ARL6IP6: variants seen among roughly 807,000 people sequenced by gnomAD.
The protein encoded by ARL6IP6 is ADP-ribosylation factor-like protein 6-interacting protein 6.
In ARL6IP6, 22 loss-of-function variants were observed where a neutral mutation model predicts 21.5. The observed-to-expected ratio is 1.02, with a 90% CI of 0.73 to 1.46. ARL6IP6 has a LOEUF of 1.46. ARL6IP6 is among the 40% of genes most tolerant of loss of function. ARL6IP6 has a pLI of 0.00. For missense variants in ARL6IP6, 388 were observed against 299.8 expected (o/e 1.29, Z -2.17); for synonymous variants, 164 against 125.3 (o/e 1.31, Z -2.06).
chr2:152,734,559 A>G (rs1389309110), intron 2 of ARL6IP6, among the ~76,000 whole-genome samples: 2 of 152,104 alleles, frequency 1.3e-5, no homozygotes, highest in African/African-American at 2.4e-5. Flanking sequence ...GGTGCAATCT[A>G]GGCACACTGC....
intron 2 of ARL6IP6, among the ~76,000 whole-genome samples, chr2:152,730,431 C>T (rs999906610): frequency 2.6e-5 from 4 of 152,122 alleles, no homozygotes; most frequent in Non-Finnish European, 4.4e-5. Context: ...GTAAACTTGT[C>T]AATTATTTTC....
chr2:152,749,193 CATT>C (rs1369031520), intron 3 of ARL6IP6, among the ~76,000 whole-genome samples: 1 of 151,798 alleles, frequency 6.6e-6, no homozygotes, highest in East Asian at 1.9e-4. Flanking sequence ...TATTGCTAGA[CATT>C]ATATTTTCAC....
chr2:152,747,981 A>C (rs979399303), intron 3 of ARL6IP6, among the ~76,000 whole-genome samples: 18 of 152,160 alleles, frequency 1.2e-4, no homozygotes, highest in Non-Finnish European at 2.4e-4. Context: ...GATTACTGGC[A>C]TGAGTCACCG....
chr2:152,718,055 C>A, upstream of ARL6IP6: 3 of 993,768 alleles, frequency 3.0e-6, no homozygotes, highest in Non-Finnish European at 3.6e-6. Flanking sequence ...AGTTGTAGTA[C>A]GGGTGGGGAG....
At chr2:152,727,452 A>AGT (rs970910717) in intron 2 of ARL6IP6, among the ~76,000 whole-genome samples, 9 of 152,184 alleles carry the variant, frequency 5.9e-5, no homozygotes, top group African/African-American at 1.9e-4. Flanking sequence ...GCGTAACCTA[A>AGT]GTGTACAGTG....
chr2:152,732,264 T>C (rs886114724), intron 2 of ARL6IP6, among the ~76,000 whole-genome samples: 2 of 152,056 alleles, frequency 1.3e-5, no homozygotes, highest in African/African-American at 4.8e-5. Flanking sequence ...GCCAAACTGC[T>C]CTCCATAGAA....
At position 152,719,025 on chromosome 2, in the gene ARL6IP6, G is replaced by A. The variant is rs1301114941; in HGVS notation, c.400+1G>A. ...GCCATCGCCTACTTGATCGTTAAAG[G>A]TATTGAAGCCGACGCCTTGAAAGTC... is the stretch of plus-strand genomic sequence containing the variant. On this transcript the variant is annotated splice_donor_variant, in intron 1 of 3. Coordinates refer to ENST00000326446, the MANE Select transcript of ARL6IP6 (RefSeq NM_152522.7). LOFTEE classifies it high-confidence loss of function. 7 of 1,543,242 alleles carry A rather than the reference G, an allele frequency of 4.5e-6. No individual in the cohort carries two copies. The highest frequency in any genetic ancestry group is 2.8e-5 in the African/African-American group (2 of 72,480).
At chr2:152,757,218 C>G (rs1300866441) in intron 3 of ARL6IP6, among the ~76,000 whole-genome samples, 1 of 152,092 alleles carries the variant, frequency 6.6e-6, no homozygotes, top group Admixed American at 6.5e-5. Context: ...TTGCAGTTAC[C>G]TCAAGATCTG....
At chr2:152,755,251 T>A (rs1701527252) in intron 3 of ARL6IP6, among the ~76,000 whole-genome samples, 1 of 152,150 alleles carries the variant, frequency 6.6e-6, no homozygotes, top group Non-Finnish European at 1.5e-5. Context: ...GGTCTAGCGG[T>A]AGCGTCAATG....
chr2:152,762,109 A>C lies in ARL6IP6; in HGVS notation c.*2269A>C, dbSNP rs564584988. 6.6e-6 allele frequency among the ~76,000 whole-genome samples: 1 copy of C among 151,842 alleles called. No individual in the cohort carries two copies. The highest frequency in any genetic ancestry group is 1.5e-5 in the Non-Finnish European group (1 of 67,898). On this transcript the variant is annotated 3_prime_UTR_variant, in exon 4 of 4. Coordinates refer to ENST00000326446, the MANE Select transcript of ARL6IP6 (RefSeq NM_152522.7). Reference sequence around the variant, plus strand: ...TAGTCACCTAACTCTGGCTGAGCTAATCCTAATCTCATTTTGCCTGGCTAC... The same window carrying C: ...TAGTCACCTAACTCTGGCTGAGCTACTCCTAATCTCATTTTGCCTGGCTAC...
intron 2 of ARL6IP6, among the ~76,000 whole-genome samples, chr2:152,723,865 G>A (rs1003377065): frequency 2.0e-5 from 3 of 152,080 alleles, no homozygotes; most frequent in Non-Finnish European, 4.4e-5. Flanking sequence ...CACAAGTTGA[G>A]TAAAACTCAG....
chr2:152,718,179 G>A (rs533207858), upstream of ARL6IP6: 3 of 625,598 alleles, frequency 4.8e-6, no homozygotes, highest in East Asian at 1.4e-4. Context: ...TGGGGAAGAA[G>A]GGAGAAGACA....
intron 3 of ARL6IP6, among the ~76,000 whole-genome samples, chr2:152,738,033 C>G (rs914489194): frequency 2.0e-5 from 3 of 152,228 alleles, no homozygotes; most frequent in African/African-American, 7.2e-5. Context: ...AATGGCGGTA[C>G]AAGCACTGTA....
At chr2:152,726,622 T>C (rs568392259) in intron 2 of ARL6IP6, among the ~76,000 whole-genome samples, 7 of 152,380 alleles carry the variant, frequency 4.6e-5, no homozygotes, top group African/African-American at 1.7e-4. Flanking sequence ...GTTAGTTTCA[T>C]GCATATGATA....
intron 2 of ARL6IP6, among the ~76,000 whole-genome samples, chr2:152,721,236 C>T (rs1341065488): frequency 1.3e-5 from 2 of 152,190 alleles, no homozygotes; most frequent in African/African-American, 4.8e-5. Flanking sequence ...AGGCTTCCCA[C>T]AGCTCTTCTC....
At chr2:152,753,997 G>A (rs1354980960) in intron 3 of ARL6IP6, among the ~76,000 whole-genome samples, 4 of 151,844 alleles carry the variant, frequency 2.6e-5, no homozygotes, top group African/African-American at 9.7e-5. Flanking sequence ...CACCACGCCC[G>A]GTCCAGGTCC....
Position 152,760,537 on chromosome 2 carries a change from T to TA in ARL6IP6, c.*704dup, listed in dbSNP as rs1701793042. On this transcript the variant is annotated 3_prime_UTR_variant, in exon 4 of 4. Coordinates refer to ENST00000326446, the MANE Select transcript of ARL6IP6 (RefSeq NM_152522.7). ...TGCCATTTTTACTAATTTTTGTCTT[T>TA]AAAAAAAGCAAAAAAGCACATTGAC... The TA allele has an allele frequency of 6.6e-6, 1 of 151,860 alleles. No homozygotes were observed. Among genetic ancestry groups the TA allele is most frequent in the Non-Finnish European group, 1.5e-5 (1 of 67,910 alleles). The allele number at this position is 151,860 out of a possible 1,614,324, so 9.4% of individuals were successfully genotyped here.
intron 3 of ARL6IP6, among the ~76,000 whole-genome samples, chr2:152,742,301 C>G (rs556078971): frequency 6.6e-6 from 1 of 152,238 alleles, no homozygotes; most frequent in East Asian, 1.9e-4. Context: ...GGCATGGTGG[C>G]TTATGCCTGT....
chr2:152,737,311 A>G (rs1384245076), intron 3 of ARL6IP6, among the ~76,000 whole-genome samples: 2 of 152,126 alleles, frequency 1.3e-5, no homozygotes, highest in East Asian at 1.9e-4. Flanking sequence ...TTAACCTTAT[A>G]AGTGTAAGAA....
Sources: gnomAD v4.1 joint callset for allele counts (sites outside exome capture counted in the v4.1 genomes callset) on GRCh38, gnomAD v4.1.1 for gene constraint, MANE v1.5 for transcripts, NCBI Gene and HGNC (gene_info 2026-07-23, HGNC 2026-07-21) for gene names.